MOSPD1: variants seen among roughly 807,000 people sequenced by gnomAD.
The protein encoded by MOSPD1 is motile sperm domain containing 1, also known as motile sperm domain-containing protein 1.
MOSPD1 carries 5 observed loss-of-function variants against 16.7 expected under a neutral mutation model. The observed-to-expected ratio is 0.30, with a 90% CI of 0.16 to 0.63. The LOEUF (loss-of-function observed/expected upper bound fraction) is 0.63, where lower values mean the gene tolerates loss of function less well. MOSPD1 is among the 30% of genes least tolerant of loss of function. MOSPD1 has a pLI of 0.82. For synonymous variants in MOSPD1, 67 were observed against 59.2 expected, an observed-to-expected ratio of 1.13 and a Z score of -0.61; for missense variants, 104 against 153.6, an observed-to-expected ratio of 0.68 and a Z score of 1.71.
chrX:134,909,790 T>G (rs1383804680), intron 1 of MOSPD1, among the ~76,000 whole-genome samples: 2 of 112,005 alleles, frequency 1.8e-5, no homozygotes, highest in Non-Finnish European at 3.8e-5. Flanking sequence ...TTTTCTAGAT[T>G]TTTGGTATGC....
chrX:134,911,691 G>A (rs1177029459), intron 1 of MOSPD1, among the ~76,000 whole-genome samples: 1 of 112,260 alleles, frequency 8.9e-6, no homozygotes, highest in Non-Finnish European at 1.9e-5. Context: ...CAGTGAGACT[G>A]ACAATTTCTT....
chrX:134,907,177 G>A (rs531321241), intron 1 of MOSPD1, among the ~76,000 whole-genome samples: 1 of 110,762 alleles, frequency 9.0e-6, no homozygotes, highest in African/African-American at 3.3e-5. Flanking sequence ...GTATTGAGCC[G>A]AGATCGCACT....
intron 1 of MOSPD1, 80 bp from the exon 2 acceptor site, chrX:134,899,614 TA>T (rs2082902716): frequency 2.5e-6 from 1 of 400,734 alleles, no homozygotes. Flanking sequence ...ACAAAAAGTA[TA>T]TTTAGCATGC....
intron 1 of MOSPD1, among the ~76,000 whole-genome samples, chrX:134,907,943 A>C (rs1178696405): frequency 8.9e-6 from 1 of 112,138 alleles, no homozygotes; most frequent in African/African-American, 3.2e-5. Flanking sequence ...TAATGTTTTT[A>C]AAAAATTTAT....
intron 1 of MOSPD1, among the ~76,000 whole-genome samples, chrX:134,903,711 C>CAAAAAA (rs772831491): frequency 5.5e-5 from 3 of 54,888 alleles, no homozygotes; most frequent in Non-Finnish European, 9.7e-5. Context: ...GACTCCATCT[C>CAAAAAA]AAAAAAAAAA....
chrX:134,897,859 C>T (rs1284400849), intron 3 of MOSPD1, among the ~76,000 whole-genome samples: 1 of 111,183 alleles, frequency 9.0e-6, no homozygotes, highest in East Asian at 2.8e-4. Context: ...AAAGAGTATA[C>T]AGCACTGTAA....
intron 3 of MOSPD1, 87 bp from the exon 4 acceptor site, chrX:134,897,121 A>T (rs1323596947): frequency 5.0e-6 from 3 of 600,745 alleles, no homozygotes; most frequent in Non-Finnish European, 7.8e-6. Context: ...TATATTAAAC[A>T]ATATTAACTG....
At chrX:134,907,561 C>G (rs926463295) in intron 1 of MOSPD1, among the ~76,000 whole-genome samples, 1 of 112,014 alleles carries the variant, frequency 8.9e-6, no homozygotes, top group South Asian at 3.7e-4. Context: ...TTTTCAAAAC[C>G]TAATTCAAAT....
Position 134,899,255 on chromosome X carries a change from C to T in MOSPD1, c.154+25G>A, listed in dbSNP as rs1287196248. 7.6e-6 allele frequency: 9 copies of T among 1,177,256 alleles called. No homozygotes were observed. In the Admixed American group the frequency reaches 2.3e-4, roughly 31 times the overall value. On this transcript the variant is annotated intron_variant, in intron 2 of 5. Coordinates refer to ENST00000370783, the MANE Select transcript of MOSPD1 (RefSeq NM_019556.3). ...AATTAGTAGGGACCAGTTAAAAACCCAGAAAATAGAGCTAGGAGACTCACC... is the reference window on the plus strand; with the variant it reads ...AATTAGTAGGGACCAGTTAAAAACCTAGAAAATAGAGCTAGGAGACTCACC...
At position 134,896,941 on chromosome X, in the gene MOSPD1, C is replaced by T. The variant is rs748847532; in HGVS notation, c.324G>A (p.Leu108=). The part of the protein sequence containing the change: ...QVSEQSQRKA[L]GRKEVVATLL... ...GAGTAGCAACAACCTCTTTTCTTCC[C>T]AAAGCCTTCCTTTGGCTTTGCTCGG... Residue 108 remains leucine, a synonymous_variant, in exon 4 of 6, where the codon TTG becomes TTA. Coordinates refer to ENST00000370783, the MANE Select transcript of MOSPD1 (RefSeq NM_019556.3). 1.7e-6 allele frequency: 2 copies of T among 1,210,187 alleles called. No homozygotes were observed. Among genetic ancestry groups the T allele is most frequent in the South Asian group, 3.5e-5 (2 of 56,949 alleles).
intron 5 of MOSPD1, among the ~76,000 whole-genome samples, chrX:134,890,491 ACAAT>A (rs759788111): frequency 9.0e-6 from 1 of 110,584 alleles, no homozygotes; most frequent in East Asian, 2.9e-4. Flanking sequence ...AGGGAGAGAG[ACAAT>A]CAAGATGATT....
chrX:134,904,763 G>A lies in MOSPD1; in HGVS notation c.-101-5229C>T, dbSNP rs2082932587. 2.7e-5 allele frequency among the ~76,000 whole-genome samples: 3 copies of A among 109,564 alleles called. No individual in the cohort carries two copies. In the South Asian group the frequency reaches 1.2e-3, roughly 44 times the overall value. On this transcript the variant is annotated intron_variant, in intron 1 of 5. Coordinates refer to ENST00000370783, the MANE Select transcript of MOSPD1 (RefSeq NM_019556.3). ...TGTAATCCCAGCTACTAGGGAGGCT[G>A]AGGCAGGAGAATCACTTGAACCCGG...
chrX:134,910,336 C>T (rs191733881), intron 1 of MOSPD1, among the ~76,000 whole-genome samples: 177 of 110,035 alleles, frequency 1.6e-3, no homozygotes, highest in East Asian at 5.1e-3. Context: ...GCCCAGAAGG[C>T]GGAGGTTGCA....
intron 3 of MOSPD1, 127 bp downstream of exon 3, chrX:134,898,963 G>A (rs2082898868): frequency 5.2e-6 from 3 of 578,739 alleles, no homozygotes; most frequent in Non-Finnish European, 8.1e-6. Flanking sequence ...CAAACTTTCG[G>A]CAAAAATTCA....
intron 1 of MOSPD1, among the ~76,000 whole-genome samples, chrX:134,900,168 C>T (rs1333787086): frequency 8.9e-6 from 1 of 112,129 alleles, no homozygotes; most frequent in African/African-American, 3.2e-5. Flanking sequence ...AAAGGGATAT[C>T]GCTCTTTTTA....
At chrX:134,914,435 T>C (rs1373334357) in intron 1 of MOSPD1, among the ~76,000 whole-genome samples, 1 of 110,908 alleles carries the variant, frequency 9.0e-6, no homozygotes, top group Non-Finnish European at 1.9e-5. Flanking sequence ...GGCCCAGCCT[T>C]CCCAGCCCAC....
chrX:134,907,452 G>C (rs747728859), intron 1 of MOSPD1, among the ~76,000 whole-genome samples: 1 of 112,257 alleles, frequency 8.9e-6, no homozygotes, highest in Non-Finnish European at 1.9e-5. Context: ...CTATTTTCCT[G>C]ATGATGAAAC....
chrX:134,899,254 C>T, intron 2 of MOSPD1, 26 bp downstream of exon 2: 2 of 1,178,357 alleles, frequency 1.7e-6, no homozygotes, highest in Non-Finnish European at 2.3e-6. Flanking sequence ...AGTTAAAAAC[C>T]CAGAAAATAG....
At chrX:134,893,849 C>T (rs113316929) in intron 4 of MOSPD1, among the ~76,000 whole-genome samples, 2 of 111,370 alleles carry the variant, frequency 1.8e-5, no homozygotes, top group African/African-American at 6.5e-5. Context: ...ATGGACTTTT[C>T]GGTTATTTTC....
Sources: gnomAD v4.1 joint callset for allele counts (sites outside exome capture counted in the v4.1 genomes callset) on GRCh38, gnomAD v4.1.1 for gene constraint, MANE v1.5 for transcripts, NCBI Gene and HGNC (gene_info 2026-07-23, HGNC 2026-07-21) for gene names.